Variants in PDE1C observed in about 807,000 individuals in gnomAD.
The protein encoded by PDE1C is phosphodiesterase 1C, also known as dual specificity calcium/calmodulin-dependent 3',5'-cyclic nucleotide phosphodiesterase 1C.
Under a neutral mutation model 93.1 loss-of-function variants are expected in PDE1C, and 62 were observed. The observed-to-expected ratio is 0.67, with a 90% confidence interval of 0.54 to 0.82. The LOEUF is 0.82. Among genes scored for constraint, PDE1C ranks in the 40% least tolerant of loss-of-function variants. The pLI, the probability that PDE1C is intolerant of heterozygous loss-of-function variation, is 0.00. For synonymous variants in PDE1C, 325 were observed against 310.1 expected (o/e 1.05, Z -0.50); for missense variants, 742 against 884.6 (o/e 0.84, Z 2.04).
At chr7:32,047,838 T>C (rs1461914268) in intron 2 of PDE1C, among the ~76,000 whole-genome samples, 1 of 152,202 alleles carries the variant, frequency 6.6e-6, no homozygotes, top group East Asian at 1.9e-4. Context: ...CCCTTTGATG[T>C]CCAAATCAAA....
chr7:32,060,308 T>A lies in PDE1C; in HGVS notation c.102-8728A>T, dbSNP rs138045178. ...TGCAGTGTTCCTTCCCTCTCCCCAC[T>A]CTGTGCCCTTCCTCCCAACTCTTAT... is the stretch of plus-strand genomic sequence containing the variant. On this transcript the variant is annotated intron_variant, in intron 1 of 17. Transcript: ENST00000396191. Among the ~76,000 whole-genome samples the A allele has an allele frequency of 3.9e-5, 6 of 152,292 alleles. No individual in the cohort carries two copies. The East Asian group carries it at 1.2e-3, about 29-fold the overall frequency.
chr7:31,750,146 A>G (rs951149762), downstream of PDE1C, among the ~76,000 whole-genome samples: 6 of 152,188 alleles, frequency 3.9e-5, no homozygotes, highest in Non-Finnish European at 7.3e-5. Flanking sequence ...GGAAGAATAA[A>G]GCAATTAATT....
the PDE1C span, among the ~76,000 whole-genome samples, chr7:31,635,937 A>AT: frequency 3.3e-5 from 5 of 152,050 alleles, no homozygotes; most frequent in East Asian, 1.9e-4. Context: ...ACTTAAAATA[A>AT]TTTTTTTTAA....
chr7:32,257,071 GAC>G (rs1330287436), intron 1 of PDE1C, among the ~76,000 whole-genome samples: 3 of 152,156 alleles, frequency 2.0e-5, no homozygotes, highest in African/African-American at 7.2e-5. Flanking sequence ...AGGATTATCA[GAC>G]ACACAGTTTC....
At chr7:31,731,364 CAACAT>C in the PDE1C span, among the ~76,000 whole-genome samples, 2 of 123,968 alleles carry the variant, frequency 1.6e-5, no homozygotes, top group Non-Finnish European at 3.9e-5. Context: ...TCATTAAGTA[CAACAT>C]TGGGGTGAAA....
Position 31,760,487 on chromosome 7 carries a change from CCA to C in PDE1C, c.1961-6936_1961-6935del, listed in dbSNP as rs1236259991. Among the ~76,000 whole-genome samples the C allele has an allele frequency of 7.9e-5, 12 of 152,240 alleles. No individual in the cohort carries two copies. In the East Asian group the frequency reaches 2.1e-3, roughly 27 times the overall value. Reference sequence around the variant, plus strand: ...TAGCACTGGCCTTGGTCCTTTCAATCCACTGTGACTTCAGTGTGACCTTTGGA... The same window carrying C: ...TAGCACTGGCCTTGGTCCTTTCAATCCTGTGACTTCAGTGTGACCTTTGGA... On this transcript the variant is annotated intron_variant, in intron 17 of 17. Coordinates refer to ENST00000396191, the MANE Select transcript of PDE1C (RefSeq NM_001191057.4).
intron 2 of PDE1C, among the ~76,000 whole-genome samples, chr7:31,935,908 G>A (rs571656736): frequency 6.6e-6 from 1 of 152,206 alleles, no homozygotes; most frequent in Admixed American, 6.5e-5. Flanking sequence ...TGGGAACTGG[G>A]GAGGGGTGGA....
At chr7:32,380,976 C>T (rs2128090202) in intron 1 of PDE1C, among the ~76,000 whole-genome samples, 1 of 152,122 alleles carries the variant, frequency 6.6e-6, no homozygotes, top group East Asian at 2.0e-4. Flanking sequence ...TCCTGGCAAC[C>T]TCAGTTCGAT....
At chr7:32,104,176 G>T (rs1798177286) in intron 3 of PDE1C, among the ~76,000 whole-genome samples, 1 of 152,102 alleles carries the variant, frequency 6.6e-6, no homozygotes, top group Admixed American at 6.5e-5. Flanking sequence ...TATTAAAAGG[G>T]TCCTCACACT....
At chr7:32,062,179 T>C (rs1468041617) in intron 1 of PDE1C, among the ~76,000 whole-genome samples, 5 of 152,152 alleles carry the variant, frequency 3.3e-5, no homozygotes, top group Non-Finnish European at 7.3e-5. Flanking sequence ...GATCCTAATC[T>C]AAGAAAAAAG....
Position 32,356,717 on chromosome 7 carries a change from C to A in PDE1C, c.310+71105G>T, listed in dbSNP as rs78264582. On this transcript the variant is annotated intron_variant, in intron 1 of 1. Transcript: ENST00000672256. Reference sequence around the variant, plus strand: ...TTTATTTTATTTAATATGCCATGGTCACCTAATCACCTACTTCTGCTATTC... The same window carrying A: ...TTTATTTTATTTAATATGCCATGGTAACCTAATCACCTACTTCTGCTATTC... Among the ~76,000 whole-genome samples, 592 of 152,286 alleles carry A rather than the reference C, an allele frequency of 3.9e-3. 3 individuals carry two copies. Among genetic ancestry groups the A allele is most frequent in the African/African-American group, 0.011 (476 of 41,548 alleles).
chr7:31,939,206 CAG>C (rs569760527), intron 2 of PDE1C, among the ~76,000 whole-genome samples: 1 of 151,716 alleles, frequency 6.6e-6, no homozygotes, highest in Non-Finnish European at 1.5e-5. Flanking sequence ...GTTAAACACA[CAG>C]AGAGAGAGAC....
intron 3 of PDE1C, among the ~76,000 whole-genome samples, chr7:32,163,634 C>T (rs1338764719): frequency 6.6e-6 from 1 of 152,104 alleles, no homozygotes; most frequent in Non-Finnish European, 1.5e-5. Flanking sequence ...ATGATTCTTC[C>T]AAGTGCAAAA....
At chr7:32,077,687 C>T (rs1176249363) in intron 3 of PDE1C, among the ~76,000 whole-genome samples, 1 of 152,052 alleles carries the variant, frequency 6.6e-6, no homozygotes, top group South Asian at 2.1e-4. Context: ...TTCTCTGCCT[C>T]AGCCTCCTGA....
intron 15 of PDE1C, among the ~76,000 whole-genome samples, chr7:31,811,348 T>C (rs1787522244): frequency 6.6e-6 from 1 of 152,078 alleles, no homozygotes; most frequent in Admixed American, 6.6e-5. Flanking sequence ...TGGGTATGTC[T>C]TTATCAGCAG....
At chr7:32,005,297 C>T (rs1227777381) in intron 2 of PDE1C, among the ~76,000 whole-genome samples, 2 of 151,014 alleles carry the variant, frequency 1.3e-5, no homozygotes, top group African/African-American at 4.9e-5. Context: ...TGGTTCATGC[C>T]AGTAATCCCA....
At chr7:32,084,676 C>G (rs1341146720) in intron 3 of PDE1C, among the ~76,000 whole-genome samples, 4 of 148,234 alleles carry the variant, frequency 2.7e-5, no homozygotes, top group African/African-American at 9.9e-5. Flanking sequence ...TACAATCAAA[C>G]TAGAACTCAG....
the PDE1C span, among the ~76,000 whole-genome samples, chr7:31,698,040 G>C: frequency 6.6e-6 from 1 of 152,202 alleles, no homozygotes; most frequent in Non-Finnish European, 1.5e-5. Flanking sequence ...AAATGTGGCA[G>C]AATTGGGGCT....
upstream of PDE1C, among the ~76,000 whole-genome samples, chr7:32,072,316 C>A (rs904703571): frequency 9.9e-5 from 15 of 152,196 alleles, no homozygotes; most frequent in African/African-American, 3.6e-4. Flanking sequence ...CCATTAAAGG[C>A]AGCCTTTTAA....
Sources: allele counts gnomAD v4.1 joint callset (sites outside exome capture counted in the v4.1 genomes callset), GRCh38; gene constraint gnomAD v4.1.1; transcripts MANE v1.5; gene names NCBI Gene and HGNC (gene_info 2026-07-23, HGNC 2026-07-21).